Variants in PGBD5 observed in about 807,000 individuals in gnomAD.
The protein encoded by PGBD5 is piggyBac transposable element derived 5, also known as piggyBac transposable element-derived protein 5.
In PGBD5, 14 loss-of-function variants were observed where a neutral mutation model predicts 47.9. The ratio of observed to expected loss-of-function variants is 0.29; its 90% confidence interval spans 0.19 to 0.46. The LOEUF (loss-of-function observed/expected upper bound fraction) is 0.46. Among genes scored for constraint, PGBD5 ranks in the 20% least tolerant of loss-of-function variants. The pLI, the probability that PGBD5 is intolerant of heterozygous loss-of-function variation, is 1.00. For missense variants in PGBD5, 635 were observed against 716.0 expected (o/e 0.89, Z 1.29); for synonymous variants, 316 against 306.3 (o/e 1.03, Z -0.33).
chr1:230,335,668 G>C (rs12038651), intron 4 of PGBD5, among the ~76,000 whole-genome samples: 1 of 53,862 alleles, frequency 1.9e-5, no homozygotes, highest in African/African-American at 5.3e-5. Flanking sequence ...GACACACACA[G>C]ATACACAGAT....
chr1:230,315,194 C>CCCCCTCA lies in PGBD5; in HGVS notation c.*8224_*8230dup, dbSNP rs1666916801. ...ACCCCTGCCCACTGAGAACCAGCCA[C>CCCCCTCA]CCCCTCACCCCCCACCAGAGTTCCC... On this transcript the variant is annotated 3_prime_UTR_variant, in exon 7 of 7. Coordinates refer to ENST00000391860, the MANE Select transcript of PGBD5 (RefSeq NM_001258311.2). The CCCCCTCA allele has an allele frequency of 6.6e-6, 1 of 152,246 alleles. No individual in the cohort carries two copies. Among genetic ancestry groups the CCCCCTCA allele is most frequent in the South Asian group, 2.1e-4 (1 of 4,830 alleles). 9.4% of individuals were successfully genotyped at this position (152,246 alleles called of 1,614,324 possible).
At position 230,425,663 on chromosome 1, in the gene PGBD5, T is replaced by C. The variant is rs1657758534; in HGVS notation, c.266A>G (p.Glu89Gly). ...CGCTGCGCTCCAGCCCGCGCCGGCC[T>C]CGTCCTCCTCCGGCTCCTGTGCGTC... ...APDAQEPEED[E>G]AGAGWSAALR... The change falls in exon 1 of 7, where the codon GAG becomes GGG. Residue 89 changes from glutamate (E) to glycine (G), a missense_variant. By Grantham distance (98) the Glu-to-Gly change is moderately conservative. Coordinates refer to ENST00000391860, the MANE Select transcript of PGBD5 (RefSeq NM_001258311.2). The surrounding 1 kb of genome is among the most constrained non-coding windows in gnomAD (Gnocchi z 4.7). 1.6e-6 allele frequency: 2 copies of C among 1,218,676 alleles called. No homozygotes were observed. The highest frequency in any genetic ancestry group is 8.6e-5 in the Admixed American group (2 of 23,206). The allele number at this position is 1,218,676 out of a possible 1,614,324, so 75.5% of individuals were successfully genotyped here.
rs1454394279 is a variant in PGBD5, at chr1:230,396,141, C to T, written c.331+29457G>A. ...ACTCTCCTCCCCTTTACCCCCCATACTCATCCCTTTTACTCCCACACTCCT... is the reference window on the plus strand; with the variant it reads ...ACTCTCCTCCCCTTTACCCCCCATATTCATCCCTTTTACTCCCACACTCCT... On this transcript the variant is annotated intron_variant, in intron 1 of 6. Transcript: ENST00000391860. Among the ~76,000 whole-genome samples, 5 of 135,676 alleles carry T rather than the reference C, an allele frequency of 3.7e-5. No homozygotes were observed. In the South Asian group the frequency reaches 1.3e-3, roughly 36 times the overall value. 89.0% of individuals were successfully genotyped at this position (135,676 alleles called of 152,430 possible). A position where few individuals can be genotyped will look rare whatever the true frequency, so the allele number is the denominator to read the frequency against.
Position 230,399,270 on chromosome 1 carries a change from G to A in PGBD5, c.331+26328C>T, listed in dbSNP as rs539838412. On this transcript the variant is annotated intron_variant, in intron 1 of 6. Coordinates refer to ENST00000391860, the MANE Select transcript of PGBD5 (RefSeq NM_001258311.2). Reference sequence around the variant, plus strand: ...TATATCTGAAATCTAAATTTTACTGGTGTCCTGTATTCTGTCTGGCAACCC... The same window carrying A: ...TATATCTGAAATCTAAATTTTACTGATGTCCTGTATTCTGTCTGGCAACCC... Among the ~76,000 whole-genome samples the A allele has an allele frequency of 9.9e-5, 15 of 152,268 alleles. 1 individual carries two copies. The South Asian group carries it at 3.1e-3, about 32-fold the overall frequency.
At chr1:230,362,361 C>T (rs1667760141) in intron 1 of PGBD5, 1 of 1,366,598 alleles carries the variant, frequency 7.3e-7, no homozygotes, top group South Asian at 1.1e-5. Flanking sequence ...CCATCCACAG[C>T]TGTCGCTGCC....
intron 1 of PGBD5, among the ~76,000 whole-genome samples, chr1:230,398,481 AC>A (rs756661124): frequency 6.6e-6 from 1 of 152,184 alleles, no homozygotes; most frequent in Non-Finnish European, 1.5e-5. Flanking sequence ...CCTTTTAAAG[AC>A]CTCATCTCCA....
Position 230,356,888 on chromosome 1 carries a change from C to G in PGBD5, c.759+6G>C. 6.2e-7 allele frequency: 1 copy of G among 1,610,990 alleles called. No homozygotes were observed. Among genetic ancestry groups the G allele is most frequent in the Non-Finnish European group, 8.5e-7 (1 of 1,177,824 alleles). ...GACAAGCTCTTACGTCCTGCGTGGG[C>G]CTCACCTGGGTTTGGGAAGGCCTGA... On this transcript the variant is annotated splice_donor_region_variant and intron_variant, in intron 2 of 6. Transcript: ENST00000391860.
intron 3 of PGBD5, among the ~76,000 whole-genome samples, chr1:230,342,760 T>C (rs551345049): frequency 6.6e-6 from 1 of 152,332 alleles, no homozygotes; most frequent in East Asian, 1.9e-4. Context: ...CCCTTGTCTT[T>C]AAGTGAAAAT....
At chr1:230,393,075 G>A (rs1278271518) in intron 1 of PGBD5, among the ~76,000 whole-genome samples, 2 of 149,678 alleles carry the variant, frequency 1.3e-5, no homozygotes, top group African/African-American at 4.9e-5. Flanking sequence ...AGGGGAAGGC[G>A]GAGGAGGAAG....
intron 3 of PGBD5, among the ~76,000 whole-genome samples, chr1:230,341,361 T>C (rs1571830763): frequency 1.3e-5 from 2 of 152,138 alleles, no homozygotes; most frequent in Non-Finnish European, 2.9e-5. Flanking sequence ...ATAACGTCAG[T>C]GGTCAAAGGT....
At chr1:230,398,750 C>G (rs1257759908) in intron 1 of PGBD5, among the ~76,000 whole-genome samples, 3 of 152,202 alleles carry the variant, frequency 2.0e-5, no homozygotes, top group Admixed American at 1.3e-4. Context: ...GCTCCCAGAA[C>G]TGGGTTTTTA....
rs114365172 is a variant in PGBD5 at position 230,323,337 on chromosome 1, C to A, written c.*88G>T. Reference sequence around the variant, plus strand: ...CCAGGCAGCAAGCCACACACCAGGCCGTGTCCGGGTCTCTGATGGGCAAGT... The same window carrying A: ...CCAGGCAGCAAGCCACACACCAGGCAGTGTCCGGGTCTCTGATGGGCAAGT... On this transcript the variant is annotated 3_prime_UTR_variant, in exon 7 of 7. Transcript: ENST00000391860. The surrounding 1 kb of genome is among the most constrained non-coding windows in gnomAD (Gnocchi z 4.1). 16 of 1,476,184 alleles carry A rather than the reference C, an allele frequency of 1.1e-5. No individual in the cohort carries two copies. The highest frequency in any genetic ancestry group is 1.5e-5 in the Non-Finnish European group (16 of 1,093,278). 91.4% of individuals were successfully genotyped at this position (1,476,184 alleles called of 1,614,324 possible). A position where few individuals can be genotyped will look rare whatever the true frequency, so the allele number is the denominator to read the frequency against.
At chr1:230,336,785 G>A (rs191357684) in intron 4 of PGBD5, among the ~76,000 whole-genome samples, 2 of 152,186 alleles carry the variant, frequency 1.3e-5, no homozygotes, top group Admixed American at 1.3e-4. Context: ...ACTAGAAGCT[G>A]TGTCCAGGGG....
chr1:230,321,614 C>T lies in PGBD5; in HGVS notation c.*1811G>A, dbSNP rs1667032696. Reference sequence around the variant, plus strand: ...CCACCGCACCCCGCCTGTTCCCTGACCTTTTAAACGAATTCACGTATTAAC... The same window carrying T: ...CCACCGCACCCCGCCTGTTCCCTGATCTTTTAAACGAATTCACGTATTAAC... On this transcript the variant is annotated 3_prime_UTR_variant, in exon 7 of 7. Transcript: ENST00000391860. The T allele has an allele frequency of 6.6e-6, 1 of 152,340 alleles. No homozygotes were observed. Among genetic ancestry groups the T allele is most frequent in the Admixed American group, 6.5e-5 (1 of 15,284 alleles). The allele number at this position is 152,340 out of a possible 1,614,324, so 9.4% of individuals were successfully genotyped here.
rs926301260 is a variant in PGBD5, at chr1:230,426,330, G to A, written c.-402C>T. The stretch of plus-strand genomic sequence containing the variant: ...TCTCCACGGCCTCCGGCGCTCGGCT[G>A]CCGACCTTCCCGGGCGCGAGCCGCC... On this transcript the variant is annotated 5_prime_UTR_variant, in exon 1 of 7. Transcript: ENST00000391860. 2.0e-5 allele frequency: 3 copies of A among 148,932 alleles called. No homozygotes were observed. Among genetic ancestry groups the A allele is most frequent in the South Asian group, 1.8e-4 (1 of 5,672 alleles). 9.2% of individuals were successfully genotyped at this position (148,932 alleles called of 1,614,324 possible).
intron 1 of PGBD5, among the ~76,000 whole-genome samples, chr1:230,394,960 G>C (rs115796101): frequency 0.027 from 3,121 of 117,166 alleles, 49 homozygotes; most frequent in Non-Finnish European, 0.04. Flanking sequence ...TGATCCCCAA[G>C]CTCCTCTCGT....
At chr1:230,374,449 C>T (rs1466400419) in intron 1 of PGBD5, among the ~76,000 whole-genome samples, 2 of 152,078 alleles carry the variant, frequency 1.3e-5, no homozygotes. Context: ...CATGAGAACA[C>T]CTTTACAGAG....
Position 230,323,053 on chromosome 1 carries a change from A to T in PGBD5, c.*372T>A. The T allele has an allele frequency of 5.3e-6, 1 of 187,520 alleles. No individual in the cohort carries two copies. Among genetic ancestry groups the T allele is most frequent in the Non-Finnish European group, 1.1e-5 (1 of 90,734 alleles). The allele number at this position is 187,520 out of a possible 1,614,324, so 11.6% of individuals were successfully genotyped here. A position where few individuals can be genotyped will look rare whatever the true frequency, so the allele number is the denominator to read the frequency against. On this transcript the variant is annotated 3_prime_UTR_variant, in exon 7 of 7. Coordinates refer to ENST00000391860, the MANE Select transcript of PGBD5 (RefSeq NM_001258311.2). This position sits in a 1 kb window ranked among gnomAD's most constrained non-coding sequence, Gnocchi z 4.1. ...TCCCAGATTGCTGTAGATCTTTAGG[A>T]AGCAGGCATCTCTCTTAGAGCGTGC...
At chr1:230,414,873 C>A (rs1657483270) in intron 1 of PGBD5, among the ~76,000 whole-genome samples, 1 of 152,184 alleles carries the variant, frequency 6.6e-6, no homozygotes, top group Admixed American at 6.5e-5. Flanking sequence ...AACCTCACGT[C>A]TTCATGTGAT....
Sources: gnomAD v4.1 joint callset for allele counts (sites outside exome capture counted in the v4.1 genomes callset) on GRCh38, gnomAD v4.1.1 for gene constraint, Gnocchi (gnomAD v3.1) non-coding constraint, MANE v1.5 for transcripts, NCBI Gene and HGNC (gene_info 2026-07-23, HGNC 2026-07-21) for gene names.